The following FIG4 variants were observed in gnomAD, a reference collection of about 807,000 sequenced individuals.
FIG4 encodes polyphosphoinositide phosphatase.
Under a neutral mutation model 118.6 loss-of-function variants are expected in FIG4, and 112 were observed. The ratio of observed to expected loss-of-function variants is 0.94; its 90% CI spans 0.81 to 1.11. The LOEUF is 1.11. FIG4 is among the 50% of genes least tolerant of loss of function. The pLI is 0.00. For synonymous variants in FIG4, 369 were observed against 381.2 expected, an observed-to-expected ratio of 0.97 and a Z score of 0.37; for missense variants, 969 against 1,111.7, an observed-to-expected ratio of 0.87 and a Z score of 1.83.
At chr6:109,818,649 T>C (rs78847943) in intron 22 of FIG4, among the ~76,000 whole-genome samples, 1,852 of 152,308 alleles carry the variant, frequency 0.012, 44 homozygotes, top group African/African-American at 0.043. Context: ...TGGTGCTATC[T>C]GCAGTTTCCA....
chr6:109,765,255 A>G, intron 14 of FIG4, 94 bp downstream of exon 14: 1 of 989,168 alleles, frequency 1.0e-6, no homozygotes, highest in East Asian at 2.5e-5. Flanking sequence ...TTCTACTTTT[A>G]GCTTCTCAAA....
At chr6:109,704,304 T>C (rs1217727034) in intron 1 of FIG4, among the ~76,000 whole-genome samples, 2 of 152,182 alleles carry the variant, frequency 1.3e-5, no homozygotes, top group Non-Finnish European at 2.9e-5. Flanking sequence ...AGGCATTTAC[T>C]AGTCAGTGGT....
chr6:109,765,357 T>G (rs1777251488), intron 14 of FIG4, among the ~76,000 whole-genome samples, 196 bp downstream of exon 14: 1 of 152,216 alleles, frequency 6.6e-6, no homozygotes, highest in African/African-American at 2.4e-5. Context: ...TATGTTTAAG[T>G]CTTTAATCTG....
chr6:109,698,522 G>C (rs1157724855), intron 1 of FIG4, among the ~76,000 whole-genome samples: 4 of 152,202 alleles, frequency 2.6e-5, no homozygotes, highest in Non-Finnish European at 5.9e-5. Flanking sequence ...GCCCTGGCCA[G>C]GACCTCTAGT....
intron 1 of FIG4, among the ~76,000 whole-genome samples, chr6:109,709,720 C>A (rs1775198777): frequency 6.6e-6 from 1 of 152,024 alleles, no homozygotes; most frequent in South Asian, 2.1e-4. Flanking sequence ...TTTTTTGTGG[C>A]AATTGTGAAT....
intron 4 of FIG4, among the ~76,000 whole-genome samples, chr6:109,728,792 G>A (rs1159427920): frequency 6.6e-6 from 1 of 152,152 alleles, no homozygotes; most frequent in Non-Finnish European, 1.5e-5. Flanking sequence ...GAATCAGATT[G>A]ACCAGACCAT....
chr6:109,704,550 C>T (rs1317624986), intron 1 of FIG4, among the ~76,000 whole-genome samples: 1 of 151,892 alleles, frequency 6.6e-6, no homozygotes, highest in Admixed American at 6.6e-5. Context: ...CGTCTGTAAT[C>T]CCAGCTACTT....
chr6:109,766,174 C>G (rs1159025051), intron 14 of FIG4, among the ~76,000 whole-genome samples: 1 of 152,206 alleles, frequency 6.6e-6, no homozygotes. Context: ...CCCCTTCCAT[C>G]ATGTGAGGAC....
At chr6:109,791,677 C>T (rs924389387) in intron 20 of FIG4, 106 bp downstream of exon 20, 2 of 938,232 alleles carry the variant, frequency 2.1e-6, no homozygotes, top group Non-Finnish European at 3.4e-6. Flanking sequence ...GTCACATTAT[C>T]TCACTGTTGT....
At chr6:109,763,183 A>G (rs1235507582) in intron 12 of FIG4, among the ~76,000 whole-genome samples, 2 of 152,242 alleles carry the variant, frequency 1.3e-5, no homozygotes, top group Non-Finnish European at 2.9e-5. Flanking sequence ...GGTATTCAGG[A>G]AAAACCATAT....
rs951737865 is a variant in FIG4 at position 109,822,344 on chromosome 6, G to A, written c.2547-2744G>A. ...ATGTGTTTGTTTTGTGTGATTTTCT[G>A]TATCGATTTTATTTTGCAATAAAAA... On this transcript the variant is annotated intron_variant, in intron 22 of 22. Coordinates refer to ENST00000230124, the MANE Select transcript of FIG4 (RefSeq NM_014845.6). Among the ~76,000 whole-genome samples the A allele has an allele frequency of 2.8e-5, 4 of 140,774 alleles. No individual in the cohort carries two copies. The Admixed American group carries it at 3.0e-4, about 11-fold the overall frequency. The allele number at this position is 140,774 out of a possible 152,430, so 92.4% of individuals were successfully genotyped here. A position where few individuals can be genotyped will look rare whatever the true frequency, so the allele number is the denominator to read the frequency against.
At chr6:109,756,850 A>T (rs1039726305) in intron 10 of FIG4, among the ~76,000 whole-genome samples, 1 of 152,108 alleles carries the variant, frequency 6.6e-6, no homozygotes, top group Non-Finnish European at 1.5e-5. Flanking sequence ...AATTTTTTTC[A>T]AAGTTTTCAA....
rs1777291769 is a variant in FIG4 at position 109,766,745 on chromosome 6, T to C, written c.1600T>C (p.Tyr534His). The change falls in exon 15 of 23, where the codon TAT becomes CAT. Residue 534 changes from tyrosine (Y) to histidine (H), a missense_variant. This residue lies in a region of FIG4 where 246 missense variants were observed against 354.3 expected (regional missense o/e 0.69). Coordinates refer to ENST00000230124, the MANE Select transcript of FIG4 (RefSeq NM_014845.6). ...TDAVRLFEEL[Y>H]EDHGDTLSLQ... ...TTTTTTTAGGTTATTTGAGGAACTCTATGAAGATCATGGTGATACCCTATC... is the reference window on the plus strand; with the variant it reads ...TTTTTTTAGGTTATTTGAGGAACTCCATGAAGATCATGGTGATACCCTATC... The C allele has an allele frequency of 1.2e-6, 2 of 1,613,958 alleles. No homozygotes were observed. Among genetic ancestry groups the C allele is most frequent in the South Asian group, 2.2e-5 (2 of 91,088 alleles).
chr6:109,727,417 G>C, intron 4 of FIG4, 152 bp downstream of exon 4: 1 of 667,290 alleles, frequency 1.5e-6, no homozygotes, highest in Non-Finnish European at 2.7e-6. Flanking sequence ...CGTAGATCAG[G>C]TAGAAAATAA....
At chr6:109,721,932 G>A (rs1477119991) in intron 3 of FIG4, among the ~76,000 whole-genome samples, 1 of 152,030 alleles carries the variant, frequency 6.6e-6, no homozygotes, top group East Asian at 1.9e-4. Flanking sequence ...AATTCAATTA[G>A]AATGCAGGTT....
At chr6:109,722,429 A>G (rs2128382848) in intron 3 of FIG4, among the ~76,000 whole-genome samples, 1 of 152,232 alleles carries the variant, frequency 6.6e-6, no homozygotes, top group South Asian at 2.1e-4. Flanking sequence ...ATAACAAGAC[A>G]TAGATCATAG....
chr6:109,825,324 A>C lies in FIG4; in HGVS notation c.*59A>C. The C allele has an allele frequency of 2.3e-5, 35 of 1,504,902 alleles. No individual in the cohort carries two copies. The highest frequency in any genetic ancestry group is 3.0e-5 in the Non-Finnish European group (32 of 1,082,394). 93.2% of individuals were successfully genotyped at this position (1,504,902 alleles called of 1,614,324 possible). A position where few individuals can be genotyped will look rare whatever the true frequency, so the allele number is the denominator to read the frequency against. ...ATTAGCTTAGAACCTGTCTTGTCTC[A>C]TCTTCAAAAGGTAACTTATTAAAAG... On this transcript the variant is annotated 3_prime_UTR_variant, in exon 23 of 23. Transcript: ENST00000230124.
In FIG4 at chr6:109,789,621, T is replaced by C. The variant is rs1388690354; in HGVS notation, c.2124T>C (p.Ile708=). 3.1e-6 allele frequency: 5 copies of C among 1,613,548 alleles called. No individual in the cohort carries two copies. The highest frequency in any genetic ancestry group is 4.2e-6 in the Non-Finnish European group (5 of 1,179,660). ...ARDFMPKTVG[I]DPSPFTVRKP... ...ACTTTATGCCTAAGACCGTTGGAAT[T>C]GATCCAAGTCCATTTACTGTGCGTA... Residue 708 remains isoleucine (I), a synonymous_variant, in exon 19 of 23, where the codon ATT becomes ATC. Transcript: ENST00000230124.
chr6:109,792,931 T>G (rs1778179784), intron 21 of FIG4, among the ~76,000 whole-genome samples: 1 of 151,978 alleles, frequency 6.6e-6, no homozygotes, highest in Admixed American at 6.6e-5. Flanking sequence ...GCTCAGGCAA[T>G]CCGCCCACCT....
Sources: allele counts gnomAD v4.1 joint callset (sites outside exome capture counted in the v4.1 genomes callset), GRCh38; gene constraint gnomAD v4.1.1; regional missense constraint gnomAD v4.1.1; transcripts MANE v1.5; gene names NCBI Gene and HGNC (gene_info 2026-07-23, HGNC 2026-07-21).